LIN54: variants seen among roughly 807,000 people sequenced by gnomAD.
LIN54 encodes lin-54 DREAM MuvB core complex component.
LIN54 carries 9 observed loss-of-function variants against 78.7 expected under a neutral mutation model. The ratio of observed to expected loss-of-function variants is 0.11; its 90% CI spans 0.07 to 0.20. The LOEUF is 0.20. Ranked by LOEUF, LIN54 falls within the 10% of genes least tolerant of loss-of-function variation. LIN54 has a pLI of 1.00. For missense variants in LIN54, 573 were observed against 889.9 expected, an observed-to-expected ratio of 0.64 and a Z score of 4.53; for synonymous variants, 269 against 318.4, an observed-to-expected ratio of 0.84 and a Z score of 1.65.
At chr4:82,937,111 T>C (rs1418860624) in intron 9 of LIN54, 116 bp downstream of exon 9, 9 of 736,150 alleles carry the variant, frequency 1.2e-5, no homozygotes, top group Non-Finnish European at 2.2e-5. Context: ...TGTATGTTTA[T>C]TTAAATTACT....
chr4:82,950,197 A>G (rs528534991), intron 4 of LIN54, among the ~76,000 whole-genome samples: 91 of 152,250 alleles, frequency 6.0e-4, no homozygotes, highest in African/African-American at 2.1e-3. Flanking sequence ...TTTCATGCAC[A>G]CTTTTTTGAC....
At chr4:82,985,255 C>T (rs6831339) in intron 1 of LIN54, among the ~76,000 whole-genome samples, 49,879 of 152,032 alleles carry the variant, frequency 0.33, 9,490 homozygotes, top group African/African-American at 0.52. Context: ...CATTGACAGA[C>T]TTGAAAACTG....
intron 2 of LIN54, among the ~76,000 whole-genome samples, chr4:82,983,560 T>A (rs1010800565): frequency 3.3e-5 from 5 of 152,182 alleles, no homozygotes; most frequent in African/African-American, 1.2e-4. Context: ...AAGTTTTCCA[T>A]AACTGGTAGG....
intron 5 of LIN54, 144 bp downstream of exon 5, chr4:82,946,114 T>C: frequency 1.5e-6 from 1 of 685,818 alleles, no homozygotes; most frequent in Non-Finnish European, 2.6e-6. Flanking sequence ...CAACTATCAT[T>C]CTATTTCACT....
At position 82,984,364 on chromosome 4, in the gene LIN54, G is replaced by T. The variant is rs141310503; in HGVS notation, c.481C>A (p.Leu161Ile). 133 of 1,614,200 alleles carry T rather than the reference G, an allele frequency of 8.2e-5. 2 individuals carry two copies. The East Asian group carries it at 2.9e-3, about 36-fold the overall frequency. Residue 161 changes from leucine (L) to isoleucine (I), a missense_variant, in exon 2 of 13, where the codon CTA becomes ATA. This residue lies in a region of LIN54 where 183 missense variants were observed against 228.4 expected (regional missense o/e 0.80). Transcript: ENST00000340417. Reference sequence around the variant, plus strand: ...GTTGTAACTTTCTGAGCCTGGGGTAGTTGGCTATGGGGTAGTGCTAAAACA... The same window carrying T: ...GTTGTAACTTTCTGAGCCTGGGGTATTTGGCTATGGGGTAGTGCTAAAACA... ...PIVLALPHSQLPQAQKVTTQA... is the reference protein window; with the variant it reads ...PIVLALPHSQIPQAQKVTTQA...
chr4:83,005,903 G>A (rs1729317275), intron 1 of LIN54, among the ~76,000 whole-genome samples: 1 of 152,106 alleles, frequency 6.6e-6, no homozygotes, highest in Non-Finnish European at 1.5e-5. Flanking sequence ...AGTGGTGATT[G>A]GATAAGGAAA....
intron 4 of LIN54, among the ~76,000 whole-genome samples, chr4:82,955,396 T>TAACATAACAC (rs1356231843): frequency 2.0e-4 from 31 of 151,260 alleles, no homozygotes; most frequent in African/African-American, 7.0e-4. Context: ...TAACATAACA[T>TAACATAACAC]AACATAACAT....
At chr4:82,982,761 G>A (rs930463190) in intron 2 of LIN54, among the ~76,000 whole-genome samples, 3 of 152,110 alleles carry the variant, frequency 2.0e-5, no homozygotes, top group African/African-American at 4.8e-5. Context: ...AGGGGACAGA[G>A]GCAAATTATA....
chr4:83,008,105 A>G (rs950193868), intron 1 of LIN54, among the ~76,000 whole-genome samples: 2 of 152,172 alleles, frequency 1.3e-5, no homozygotes, highest in Non-Finnish European at 2.9e-5. Context: ...CATTCTACAT[A>G]AAAGCTACAT....
At chr4:82,986,702 C>CAAAAAAAA (rs70943178) in intron 1 of LIN54, among the ~76,000 whole-genome samples, 3 of 68,730 alleles carry the variant, frequency 4.4e-5, no homozygotes, top group Admixed American at 1.8e-4. Context: ...GACCCCATCT[C>CAAAAAAAA]AAAAAAAAAA....
In LIN54 at chr4:82,927,919, A is replaced by G. The variant is rs1043303941; in HGVS notation, c.*183T>C. 2.4e-5 allele frequency: 14 copies of G among 578,076 alleles called. No homozygotes were observed. In the Admixed American group the frequency reaches 4.0e-4, roughly 17 times the overall value. 35.8% of individuals were successfully genotyped at this position (578,076 alleles called of 1,614,324 possible). On this transcript the variant is annotated 3_prime_UTR_variant, in exon 13 of 13. Transcript: ENST00000340417. ...TTTAGAAGGGGCATAAGCAGATTTA[A>G]CTAAGATTTAAAATGTACTAATTTC...
chr4:82,996,352 G>A (rs762882720), intron 1 of LIN54, among the ~76,000 whole-genome samples: 3 of 152,060 alleles, frequency 2.0e-5, no homozygotes, highest in Non-Finnish European at 2.9e-5. Context: ...ACCTGTGAAG[G>A]TATGGTAGAG....
intron 1 of LIN54, among the ~76,000 whole-genome samples, chr4:82,999,934 C>T (rs1393351113): frequency 6.6e-6 from 1 of 151,956 alleles, no homozygotes; most frequent in Non-Finnish European, 1.5e-5. Context: ...ACTCTGTCAC[C>T]CAGACTGGAG....
At chr4:82,963,757 C>A (rs1724989642) in intron 4 of LIN54, among the ~76,000 whole-genome samples, 1 of 150,556 alleles carries the variant, frequency 6.6e-6, no homozygotes, top group African/African-American at 2.4e-5. Flanking sequence ...CTTCAATTAA[C>A]CAAAAAAGGG....
intron 4 of LIN54, among the ~76,000 whole-genome samples, chr4:82,953,814 G>A (rs1019400882): frequency 1.3e-5 from 2 of 152,054 alleles, no homozygotes; most frequent in African/African-American, 2.4e-5. Flanking sequence ...TGCAGGCATG[G>A]TGGCATGTGC....
chr4:82,984,437 A>G lies in LIN54; in HGVS notation c.408T>C (p.Asp136=). 2.5e-6 allele frequency: 4 copies of G among 1,614,230 alleles called. No homozygotes were observed. Among genetic ancestry groups the G allele is most frequent in the Non-Finnish European group, 3.4e-6 (4 of 1,180,044 alleles). Residue 136 remains aspartate, a synonymous_variant, in exon 2 of 13, where the codon GAT becomes GAC. Transcript: ENST00000340417. ...AAGTTGTTAAAATTAACTTCTGTCCATCTGGTTTAAGGGTCTGATTGCCAA... is the reference window on the plus strand; with the variant it reads ...AAGTTGTTAAAATTAACTTCTGTCCGTCTGGTTTAAGGGTCTGATTGCCAA... ...LKLGNQTLKP[D]GQKLILTTLG...
In LIN54 at chr4:82,978,980, G is replaced by C. The variant is rs747436280; in HGVS notation, c.711C>G (p.Thr237=). Residue 237 remains threonine (T), a synonymous_variant, in exon 3 of 13, where the codon ACC becomes ACG. Coordinates refer to ENST00000340417, the MANE Select transcript of LIN54 (RefSeq NM_194282.4). ...VQIAKKPRTP[T]SGPVITKLIF... is the part of the protein sequence containing the mutation. ...TCAGCTTCGTGATTACTGGACCAGAGGTTGGCGTTCGAGGCTTCTTAGCAA... is the reference window on the plus strand; with the variant it reads ...TCAGCTTCGTGATTACTGGACCAGACGTTGGCGTTCGAGGCTTCTTAGCAA... 3 of 1,591,494 alleles carry C rather than the reference G, an allele frequency of 1.9e-6. No individual in the cohort carries two copies. Among genetic ancestry groups the C allele is most frequent in the Non-Finnish European group, 2.6e-6 (3 of 1,163,860 alleles).
chr4:82,980,707 T>G (rs1726564769), intron 2 of LIN54, among the ~76,000 whole-genome samples: 1 of 152,158 alleles, frequency 6.6e-6, no homozygotes, highest in African/African-American at 2.4e-5. Context: ...GTTTACAGAC[T>G]TAAAACCCTA....
At chr4:82,936,799 GCC>G (rs1307028586) in intron 9 of LIN54, among the ~76,000 whole-genome samples, 1 of 152,068 alleles carries the variant, frequency 6.6e-6, no homozygotes, top group East Asian at 1.9e-4. Context: ...TGGATTCTAT[GCC>G]CCAATAAGAC....
Sources: gnomAD v4.1 joint callset for allele counts (sites outside exome capture counted in the v4.1 genomes callset) on GRCh38, gnomAD v4.1.1 for gene constraint, gnomAD v4.1.1 regional missense constraint, MANE v1.5 for transcripts, NCBI Gene and HGNC (gene_info 2026-07-23, HGNC 2026-07-21) for gene names.